The following PDE1A variants were observed in gnomAD, a reference collection of about 807,000 sequenced individuals.
PDE1A encodes phosphodiesterase 1A, also known as dual specificity calcium/calmodulin-dependent 3',5'-cyclic nucleotide phosphodiesterase 1A.
A neutral mutation model predicts 61.7 loss-of-function variants in PDE1A; 35 were observed. That is an observed-to-expected ratio of 0.57 (90% CI 0.43 to 0.75). The LOEUF (loss-of-function observed/expected upper bound fraction) is 0.75, where lower values mean the gene tolerates loss of function less well. Among genes scored for constraint, PDE1A ranks in the 30% least tolerant of loss-of-function variants. The probability of loss-of-function intolerance (pLI) is 0.00; values close to 1 mark genes in which losing one functional copy is unlikely to be tolerated. For missense variants in PDE1A, 597 were observed against 630.6 expected, an observed-to-expected ratio of 0.95 and a Z score of 0.57; for synonymous variants, 232 against 213.2, an observed-to-expected ratio of 1.09 and a Z score of -0.77.
intron 10 of PDE1A, among the ~76,000 whole-genome samples, chr2:182,199,517 T>C (rs1294695606): frequency 6.6e-6 from 1 of 152,094 alleles, no homozygotes; most frequent in Non-Finnish European, 1.5e-5. Context: ...TTCAAAATCA[T>C]TCAACTTAAG....
intron 8 of PDE1A, among the ~76,000 whole-genome samples, chr2:182,205,567 A>T (rs1687028877): frequency 6.6e-6 from 1 of 152,236 alleles, no homozygotes; most frequent in South Asian, 2.1e-4. Flanking sequence ...ATCTTTTAAA[A>T]AAAATATATG....
chr2:182,415,114 C>T (rs1036210922), intron 1 of PDE1A, among the ~76,000 whole-genome samples: 1 of 152,098 alleles, frequency 6.6e-6, no homozygotes, highest in African/African-American at 2.4e-5. Context: ...GTCTTTACCA[C>T]TCTGTACCAC....
At chr2:182,345,131 G>T (rs890330651) in intron 1 of PDE1A, among the ~76,000 whole-genome samples, 9 of 152,036 alleles carry the variant, frequency 5.9e-5, no homozygotes, top group African/African-American at 2.2e-4. Context: ...TTTATAAATG[G>T]CTTCCACATT....
intron 1 of PDE1A, among the ~76,000 whole-genome samples, chr2:182,367,684 T>C (rs148649839): frequency 0.012 from 1,901 of 152,140 alleles, 24 homozygotes; most frequent in South Asian, 0.048. Context: ...AGTCAGTGAG[T>C]TTTAAAAATC....
At chr2:182,356,081 T>G (rs562933969) in intron 1 of PDE1A, among the ~76,000 whole-genome samples, 47 of 152,314 alleles carry the variant, frequency 3.1e-4, no homozygotes, top group Middle Eastern at 3.4e-3. Context: ...TGCTGAGTGC[T>G]GATAATAAAA....
At chr2:182,346,567 A>G (rs1429388760) in intron 1 of PDE1A, among the ~76,000 whole-genome samples, 3 of 151,976 alleles carry the variant, frequency 2.0e-5, no homozygotes, top group African/African-American at 7.2e-5. Flanking sequence ...GTAATGGTAC[A>G]ATGTTCTAAA....
rs557816093 is a variant in PDE1A at position 182,230,209 on chromosome 2, C to A, written c.535-63G>T. The A allele has an allele frequency of 1.0e-4, 129 of 1,294,486 alleles. No individual in the cohort carries two copies. The African/African-American group carries it at 1.7e-3, about 17-fold the overall frequency. The allele number at this position is 1,294,486 out of a possible 1,614,324, so 80.2% of individuals were successfully genotyped here. A position where few individuals can be genotyped will look rare whatever the true frequency, so the allele number is the denominator to read the frequency against. ...AAAAGTGGTACTAAATCAACCTGAG[C>A]ACTGTTTGTCATGGAACATATTAGT... On this transcript the variant is annotated intron_variant, in intron 5 of 13. Coordinates refer to ENST00000351439, the Ensembl canonical transcript of PDE1A.
At chr2:182,416,409 G>A (rs1252685007) in intron 1 of PDE1A, among the ~76,000 whole-genome samples, 2 of 152,090 alleles carry the variant, frequency 1.3e-5, no homozygotes, top group African/African-American at 2.4e-5. Context: ...CTTAATTTAC[G>A]CTCAGCTGTT....
intron 7 of PDE1A, among the ~76,000 whole-genome samples, chr2:182,217,007 A>C: frequency 3.9e-5 from 1 of 25,876 alleles, no homozygotes; most frequent in African/African-American, 1.5e-4. Context: ...ACACTACCTG[A>C]CTTCAAACTA....
At chr2:182,488,593 CCTGT>C (rs1339533593) in intron 2 of PDE1A, among the ~76,000 whole-genome samples, 3 of 152,074 alleles carry the variant, frequency 2.0e-5, no homozygotes, top group Non-Finnish European at 2.9e-5. Context: ...ATGATAAATA[CCTGT>C]CTATCTACTG....
chr2:182,532,042 T>C, the PDE1A span, among the ~76,000 whole-genome samples: 1 of 152,178 alleles, frequency 6.6e-6, no homozygotes, highest in Non-Finnish European at 1.5e-5. Context: ...TTCTTTTTTG[T>C]GGCTGCAGTA....
chr2:182,147,992 T>C (rs1690582678), intron 13 of PDE1A, among the ~76,000 whole-genome samples: 1 of 152,208 alleles, frequency 6.6e-6, no homozygotes, highest in African/African-American at 2.4e-5. Flanking sequence ...GTTATGTAAT[T>C]AGTGGACATA....
At chr2:182,443,317 TTA>T (rs1684912522) in intron 2 of PDE1A, among the ~76,000 whole-genome samples, 2 of 152,034 alleles carry the variant, frequency 1.3e-5, no homozygotes, top group Non-Finnish European at 2.9e-5. Flanking sequence ...ACATAAAATA[TTA>T]TATATTTAAG....
intron 1 of PDE1A, among the ~76,000 whole-genome samples, chr2:182,396,013 G>A (rs1701683050): frequency 6.6e-6 from 1 of 152,210 alleles, no homozygotes; most frequent in South Asian, 2.1e-4. Flanking sequence ...TCAAATGGAA[G>A]TGGTATATAC....
chr2:182,480,965 G>A (rs1160158497), intron 2 of PDE1A, among the ~76,000 whole-genome samples: 1 of 151,876 alleles, frequency 6.6e-6, no homozygotes, highest in East Asian at 1.9e-4. Context: ...CTCTCTCCAG[G>A]TTCCAAGGAT....
At chr2:182,488,141 G>T (rs769938811) in intron 2 of PDE1A, among the ~76,000 whole-genome samples, 1 of 152,038 alleles carries the variant, frequency 6.6e-6, no homozygotes, top group Non-Finnish European at 1.5e-5. Flanking sequence ...TTTCTGAAAA[G>T]TTCTCAAAAC....
chr2:182,651,134 G>A, the PDE1A span, among the ~76,000 whole-genome samples: 2 of 152,120 alleles, frequency 1.3e-5, no homozygotes, highest in Non-Finnish European at 2.9e-5. Flanking sequence ...AGACTCCTGA[G>A]TAGCTGGGAT....
the PDE1A span, among the ~76,000 whole-genome samples, chr2:182,644,669 A>T: frequency 6.6e-6 from 1 of 152,130 alleles, no homozygotes; most frequent in Admixed American, 6.6e-5. Flanking sequence ...TGATTTTCAC[A>T]TCTATGAGTG....
the PDE1A span, among the ~76,000 whole-genome samples, chr2:182,649,671 C>T: frequency 6.6e-6 from 1 of 151,632 alleles, no homozygotes; most frequent in Non-Finnish European, 1.5e-5. Context: ...ATTGCAGGGG[C>T]GCAATCTCAG....
Sources: allele counts gnomAD v4.1 joint callset (sites outside exome capture counted in the v4.1 genomes callset), GRCh38; gene constraint gnomAD v4.1.1; transcripts MANE v1.5; gene names NCBI Gene and HGNC (gene_info 2026-07-23, HGNC 2026-07-21).